TMEM131: variants seen among roughly 807,000 people sequenced by gnomAD.
TMEM131 encodes 2610524E03Rik.
Under a neutral mutation model 211.6 loss-of-function variants are expected in TMEM131, and 66 were observed. That is an observed-to-expected ratio of 0.31 (90% CI 0.26 to 0.38). The LOEUF is 0.38. TMEM131 is among the 10% of genes least tolerant of loss of function. The pLI, the probability that TMEM131 is intolerant of heterozygous loss-of-function variation, is 1.00. For missense variants in TMEM131, 2,036 were observed against 2,299.3 expected (o/e 0.89, Z 2.34); for synonymous variants, 844 against 841.3 (o/e 1.00, Z -0.06).
intron 4 of TMEM131, among the ~76,000 whole-genome samples, chr2:97,866,454 T>C (rs1017945491): frequency 2.0e-4 from 30 of 152,240 alleles, no homozygotes; most frequent in African/African-American, 7.0e-4. Context: ...AGCTAAAGGT[T>C]TGACAATTCG....
chr2:97,895,152 TG>T (rs1675552762), intron 3 of TMEM131, among the ~76,000 whole-genome samples: 1 of 152,238 alleles, frequency 6.6e-6, no homozygotes, highest in African/African-American at 2.4e-5. Flanking sequence ...TCGTTGGTTC[TG>T]TTTATGTGAT....
intron 1 of TMEM131, among the ~76,000 whole-genome samples, chr2:97,935,783 C>T (rs1677416864): frequency 6.6e-6 from 1 of 152,112 alleles, no homozygotes; most frequent in South Asian, 2.1e-4. Flanking sequence ...GGCAATTAAC[C>T]AAAAGCTTGC....
intron 32 of TMEM131, among the ~76,000 whole-genome samples, chr2:97,774,283 A>G (rs867151025): frequency 5.9e-5 from 9 of 152,248 alleles, no homozygotes; most frequent in Admixed American, 2.0e-4. Flanking sequence ...CTACGCACCT[A>G]GCACGTGGCC....
At chr2:97,855,412 A>G (rs1285993828) in intron 5 of TMEM131, among the ~76,000 whole-genome samples, 1 of 152,322 alleles carries the variant, frequency 6.6e-6, no homozygotes, top group East Asian at 1.9e-4. Flanking sequence ...TAAAAATGGC[A>G]TTATAGGCAA....
intron 4 of TMEM131, among the ~76,000 whole-genome samples, chr2:97,882,713 T>G (rs1387860306): frequency 6.6e-6 from 1 of 152,202 alleles, no homozygotes; most frequent in Non-Finnish European, 1.5e-5. Context: ...TATAAACCCA[T>G]GTGCGTGTAT....
At chr2:97,779,565 G>A (rs1316617381) in intron 31 of TMEM131, among the ~76,000 whole-genome samples, 2 of 152,208 alleles carry the variant, frequency 1.3e-5, no homozygotes, top group Non-Finnish European at 2.9e-5. Context: ...AGTTCTCAAA[G>A]TGTCCCCTGT....
intron 2 of TMEM131, among the ~76,000 whole-genome samples, chr2:97,924,916 G>C (rs1267768279): frequency 6.6e-6 from 1 of 152,124 alleles, no homozygotes; most frequent in East Asian, 1.9e-4. Flanking sequence ...ATCTCACTCT[G>C]CTGCCCAGGC....
At chr2:97,904,277 G>A (rs1573536718) in intron 3 of TMEM131, among the ~76,000 whole-genome samples, 1 of 151,750 alleles carries the variant, frequency 6.6e-6, no homozygotes, top group East Asian at 1.9e-4. Flanking sequence ...AATATTTAGG[G>A]GTAAAATAGC....
intron 1 of TMEM131, among the ~76,000 whole-genome samples, chr2:97,975,100 T>C (rs1193335066): frequency 2.0e-5 from 3 of 152,168 alleles, no homozygotes; most frequent in African/African-American, 7.2e-5. Context: ...ATACCAAGTA[T>C]GGTCTCTGGC....
rs552273637 is a variant in TMEM131, at chr2:97,832,077, A to G, written c.1074+1288T>C. Among the ~76,000 whole-genome samples, 19 of 150,382 alleles carry G rather than the reference A, an allele frequency of 1.3e-4. No individual in the cohort carries two copies. In the East Asian group the frequency reaches 3.5e-3, roughly 28 times the overall value. On this transcript the variant is annotated intron_variant, in intron 11 of 40. Transcript: ENST00000186436. The stretch of plus-strand genomic sequence containing the variant: ...TAGAAAACTAGGACCACTGCACCAT[A>G]TAGGTATTAAGTAATACATTTATTA...
intron 4 of TMEM131, among the ~76,000 whole-genome samples, chr2:97,884,344 C>T (rs372261733): frequency 1.1e-3 from 172 of 152,268 alleles, no homozygotes; most frequent in East Asian, 8.7e-3. Flanking sequence ...TCCTAACATA[C>T]GATCAATCCT....
intron 2 of TMEM131, among the ~76,000 whole-genome samples, chr2:97,923,628 TAA>T (rs71386040): frequency 1.3e-4 from 4 of 30,208 alleles, no homozygotes; most frequent in Admixed American, 7.2e-4. Flanking sequence ...TCTTTTTTTT[TAA>T]AAAAAAAAAA....
rs575564772 is a variant in TMEM131 at position 97,910,630 on chromosome 2, G to A, written c.250-1932C>T. Reference sequence around the variant, plus strand: ...CTCCACATCCTCCCCAGCATCTGTCGTTTCCTGACTTTTTAATGATTGCCA... The same window carrying A: ...CTCCACATCCTCCCCAGCATCTGTCATTTCCTGACTTTTTAATGATTGCCA... On this transcript the variant is annotated intron_variant, in intron 2 of 40. Coordinates refer to ENST00000186436, the MANE Select transcript of TMEM131 (RefSeq NM_015348.2). 2.6e-5 allele frequency among the ~76,000 whole-genome samples: 4 copies of A among 152,184 alleles called. No homozygotes were observed. In the East Asian group the frequency reaches 5.8e-4, roughly 22 times the overall value.
intron 2 of TMEM131, among the ~76,000 whole-genome samples, chr2:97,911,069 CAT>C (rs1384060267): frequency 6.6e-6 from 1 of 152,172 alleles, no homozygotes; most frequent in African/African-American, 2.4e-5. Context: ...TGAACAGACA[CAT>C]GAGTTGTGTT....
At chr2:97,811,508 C>T (rs1338834786) in intron 17 of TMEM131, among the ~76,000 whole-genome samples, 1 of 152,164 alleles carries the variant, frequency 6.6e-6, no homozygotes, top group Non-Finnish European at 1.5e-5. Context: ...ACTCTTTACC[C>T]ATGGACCTGT....
intron 24 of TMEM131, 94 bp downstream of exon 24, chr2:97,802,334 A>C (rs1237505917): frequency 1.3e-5 from 12 of 944,238 alleles, no homozygotes; most frequent in East Asian, 1.0e-4. Flanking sequence ...CAAATCTATT[A>C]ATCTGTATGA....
chr2:97,764,548 C>G (rs965371289), intron 35 of TMEM131: 3 of 152,352 alleles, frequency 2.0e-5, no homozygotes, highest in Admixed American at 2.0e-4. Context: ...AGGAGACAAG[C>G]TCTGCATCTC....
At chr2:97,817,015 C>G (rs1268564703) in intron 12 of TMEM131, among the ~76,000 whole-genome samples, 3 of 152,152 alleles carry the variant, frequency 2.0e-5, no homozygotes, top group African/African-American at 7.2e-5. Context: ...TATTAAAAAC[C>G]TACTTTTAAG....
At chr2:97,952,322 G>C (rs1026490924) in intron 1 of TMEM131, among the ~76,000 whole-genome samples, 1 of 152,058 alleles carries the variant, frequency 6.6e-6, no homozygotes, top group Non-Finnish European at 1.5e-5. Context: ...AATTAATACA[G>C]GAAAACTTCC....
Sources: gnomAD v4.1 joint callset for allele counts (sites outside exome capture counted in the v4.1 genomes callset) on GRCh38, gnomAD v4.1.1 for gene constraint, MANE v1.5 for transcripts, NCBI Gene and HGNC (gene_info 2026-07-23, HGNC 2026-07-21) for gene names.